The following DEPTOR variants were observed in gnomAD, a reference collection of about 807,000 sequenced individuals.
DEPTOR encodes the protein DEP domain-containing mTOR-interacting protein.
Under a neutral mutation model 41.6 loss-of-function variants are expected in DEPTOR, and 41 were observed. The ratio of observed to expected loss-of-function variants is 0.98; its 90% CI spans 0.77 to 1.28. The LOEUF is 1.28. Among genes scored for constraint, DEPTOR ranks in the 50% most tolerant of loss-of-function variants. DEPTOR has a pLI of 0.00. For synonymous variants in DEPTOR, 195 were observed against 192.3 expected, an observed-to-expected ratio of 1.01 and a Z score of -0.12; for missense variants, 514 against 527.9, an observed-to-expected ratio of 0.97 and a Z score of 0.26.
chr8:119,974,224 T>C (rs11993050), intron 4 of DEPTOR, among the ~76,000 whole-genome samples: 1 of 110,048 alleles, frequency 9.1e-6, no homozygotes, highest in Non-Finnish European at 1.7e-5. Flanking sequence ...CATAGTGAGA[T>C]CTTGTCTCTT....
intron 8 of DEPTOR, among the ~76,000 whole-genome samples, chr8:120,022,284 T>A (rs1055143361): frequency 6.6e-6 from 1 of 152,060 alleles, no homozygotes; most frequent in African/African-American, 2.4e-5. Context: ...GACTACTACA[T>A]TCGTATCAGT....
chr8:119,892,543 C>G (rs1169675020), intron 1 of DEPTOR, among the ~76,000 whole-genome samples: 2 of 152,180 alleles, frequency 1.3e-5, no homozygotes, highest in African/African-American at 2.4e-5. Context: ...CCACATGCAG[C>G]AAACCTTTTG....
chr8:119,973,497 A>G (rs1423640445), intron 4 of DEPTOR, among the ~76,000 whole-genome samples: 1 of 152,172 alleles, frequency 6.6e-6, no homozygotes, highest in Non-Finnish European at 1.5e-5. Flanking sequence ...TGGCCTCCCA[A>G]AGTGCCAGGA....
chr8:119,929,270 G>A (rs1005678440), intron 2 of DEPTOR, among the ~76,000 whole-genome samples: 2 of 151,752 alleles, frequency 1.3e-5, no homozygotes, highest in Non-Finnish European at 1.5e-5. Context: ...CTCATTTTTT[G>A]CCCAATTTCG....
chr8:120,048,264 T>C (rs1397636581), intron 8 of DEPTOR, among the ~76,000 whole-genome samples: 2 of 152,174 alleles, frequency 1.3e-5, no homozygotes, highest in Non-Finnish European at 2.9e-5. Context: ...AGCTCTGGGT[T>C]GGGAAGGAGG....
rs1370081518 is a variant in DEPTOR, at chr8:119,982,330, C to T, written c.604+16920C>T. ...GCCATGTCTTCTGACAGCTTGACTT[C>T]CTGTCTAAGCAGCTTCGTGGCTTCT... On this transcript the variant is annotated intron_variant, in intron 4 of 8. Coordinates refer to ENST00000286234, the MANE Select transcript of DEPTOR (RefSeq NM_022783.4). Among the ~76,000 whole-genome samples the T allele has an allele frequency of 2.0e-5, 3 of 152,132 alleles. 1 individual carries two copies.
intron 1 of DEPTOR, among the ~76,000 whole-genome samples, chr8:119,905,113 A>G (rs1004928839): frequency 2.0e-5 from 3 of 151,792 alleles, no homozygotes; most frequent in African/African-American, 7.3e-5. Flanking sequence ...CAGCCAGTGA[A>G]TGCACCTTTT....
intron 3 of DEPTOR, among the ~76,000 whole-genome samples, chr8:119,945,766 T>C (rs1828263227): frequency 6.6e-6 from 1 of 152,178 alleles, no homozygotes; most frequent in Non-Finnish European, 1.5e-5. Flanking sequence ...CTCTTGTTTA[T>C]TTTTAAGTGT....
intron 4 of DEPTOR, among the ~76,000 whole-genome samples, chr8:119,992,445 G>A (rs539302813): frequency 6.6e-5 from 10 of 152,072 alleles, no homozygotes; most frequent in Admixed American, 1.3e-4. Context: ...TTACGTGACC[G>A]TAAGTCCAAG....
chr8:120,027,117 C>G (rs1289807139), intron 8 of DEPTOR, among the ~76,000 whole-genome samples: 1 of 151,690 alleles, frequency 6.6e-6, no homozygotes, highest in African/African-American at 2.4e-5. Flanking sequence ...ACTCGGGAGG[C>G]TGAGGCAGGA....
intron 1 of DEPTOR, among the ~76,000 whole-genome samples, chr8:119,894,598 G>T (rs1310484041): frequency 6.6e-6 from 1 of 151,894 alleles, no homozygotes; most frequent in African/African-American, 2.4e-5. Flanking sequence ...GGGTTTCACT[G>T]TGTTAGCCAG....
intron 3 of DEPTOR, among the ~76,000 whole-genome samples, chr8:119,937,953 G>A (rs1828134771): frequency 6.6e-6 from 1 of 152,152 alleles, no homozygotes; most frequent in Non-Finnish European, 1.5e-5. Context: ...TCTTCATTAT[G>A]CTGGCAGAAA....
chr8:120,042,311 T>C (rs1813087838), intron 8 of DEPTOR, among the ~76,000 whole-genome samples: 1 of 152,136 alleles, frequency 6.6e-6, no homozygotes, highest in Admixed American at 6.5e-5. Flanking sequence ...TGGTTACTCA[T>C]AATGTGTGTT....
At chr8:119,930,035 T>C (rs915942920) in intron 3 of DEPTOR, 97 bp downstream of exon 3, 30 of 1,430,074 alleles carry the variant, frequency 2.1e-5, no homozygotes, top group Non-Finnish European at 2.7e-5. Flanking sequence ...GGCTTTTCTA[T>C]GTGGGCTGGT....
intron 8 of DEPTOR, among the ~76,000 whole-genome samples, chr8:120,030,770 C>T (rs778151607): frequency 4.0e-5 from 6 of 151,648 alleles, no homozygotes; most frequent in Non-Finnish European, 8.8e-5. Flanking sequence ...CTGGGATTAC[C>T]GGTGTAAGCC....
intron 3 of DEPTOR, among the ~76,000 whole-genome samples, chr8:119,954,919 C>A (rs1168805010): frequency 6.6e-6 from 1 of 151,984 alleles, no homozygotes; most frequent in African/African-American, 2.4e-5. Context: ...AGTGCAGTGG[C>A]ACAATCTTGG....
chr8:119,943,872 T>C (rs189659861), intron 3 of DEPTOR, among the ~76,000 whole-genome samples: 2,633 of 152,254 alleles, frequency 0.017, 67 homozygotes, highest in African/African-American at 0.061. Context: ...GAGTCTCGTT[T>C]TGTTGCCCAG....
At chr8:120,039,371 C>T (rs183547518) in intron 8 of DEPTOR, among the ~76,000 whole-genome samples, 1 of 152,242 alleles carries the variant, frequency 6.6e-6, no homozygotes, top group Admixed American at 6.5e-5. Context: ...CCCAAACAGA[C>T]GAAGACATGG....
intron 4 of DEPTOR, among the ~76,000 whole-genome samples, chr8:119,986,470 C>T (rs1382303547): frequency 2.0e-5 from 3 of 152,102 alleles, no homozygotes; most frequent in Non-Finnish European, 4.4e-5. Context: ...TTTTTTCCTT[C>T]ATTTCAACCT....
Sources: gnomAD v4.1 joint callset for allele counts (sites outside exome capture counted in the v4.1 genomes callset) on GRCh38, gnomAD v4.1.1 for gene constraint, MANE v1.5 for transcripts, NCBI Gene and HGNC (gene_info 2026-07-23, HGNC 2026-07-21) for gene names.